The following PNPLA6 variants were observed in gnomAD, a reference collection of about 807,000 sequenced individuals.
The protein encoded by PNPLA6 is patatin like domain 6, lysophospholipase.
In PNPLA6, 105 loss-of-function variants were observed where a neutral mutation model predicts 153.7. The ratio of observed to expected loss-of-function variants is 0.68; its 90% CI spans 0.58 to 0.80. PNPLA6 has a LOEUF of 0.80. Among genes scored for constraint, PNPLA6 ranks in the 30% least tolerant of loss-of-function variants. PNPLA6 has a pLI of 0.00. For synonymous variants in PNPLA6, 825 were observed against 822.2 expected (o/e 1.00, Z -0.06); for missense variants, 1,423 against 1,919.3 (o/e 0.74, Z 4.83).
At chr19:7,536,388 G>C in intron 2 of PNPLA6, 61 bp from the exon 3 acceptor site, 2 of 1,423,176 alleles carry the variant, frequency 1.4e-6, no homozygotes, top group Non-Finnish European at 2.0e-6. Context: ...CCCTGGATCC[G>C]TCTGCCTCTT....
rs763286598 is a variant in PNPLA6 at position 7,543,020 on chromosome 19, T to C, written c.1544T>C (p.Leu515Pro). The C allele has an allele frequency of 8.1e-6, 13 of 1,613,810 alleles. No homozygotes were observed. Among genetic ancestry groups the C allele is most frequent in the Non-Finnish European group, 1.0e-5 (12 of 1,179,980 alleles). Residue 515 changes from leucine to proline, a missense_variant, in exon 13 of 32, where the codon CTG becomes CCG. Leu to Pro is a moderately conservative substitution (Grantham distance 98). Coordinates refer to ENST00000600737, the MANE Select transcript of PNPLA6 (RefSeq NM_001166114.2). Reference sequence around the variant, plus strand: ...CTACCTCCCCAGGACCCCTCCCTCCTGAACAGCAGAGTCTTGCTGCACCAC... The same window carrying C: ...CTACCTCCCCAGGACCCCTCCCTCCCGAACAGCAGAGTCTTGCTGCACCAC... The part of the protein sequence containing the change: ...KLMRIEDPSL[L>P]NSRVLLHHAK...
chr19:7,555,087 G>C lies in PNPLA6; in HGVS notation c.2817+12G>C. 6.3e-7 allele frequency: 1 copy of C among 1,591,734 alleles called. No homozygotes were observed. The highest frequency in any genetic ancestry group is 2.2e-5 in the East Asian group (1 of 44,630). On this transcript the variant is annotated intron_variant, in intron 22 of 31. Transcript: ENST00000600737. The surrounding 1 kb of genome is among the most constrained non-coding windows in gnomAD (Gnocchi z 6.3). Reference sequence around the variant, plus strand: ...GCCCTGCCAAGCTGGTGAGGAGCGGGCCGGCCCCCACCTTCTAGGGGCGTG... The same window carrying C: ...GCCCTGCCAAGCTGGTGAGGAGCGGCCCGGCCCCCACCTTCTAGGGGCGTG...
In PNPLA6 at chr19:7,550,462, C is replaced by T. The variant is rs760515337; in HGVS notation, c.1946+33C>T. 2.2e-5 allele frequency: 36 copies of T among 1,612,128 alleles called. No individual in the cohort carries two copies. In the Middle Eastern group the frequency reaches 6.6e-4, roughly 29 times the overall value. The stretch of plus-strand genomic sequence containing the variant: ...TCCCACCGCGCTGCTCAGGCCCGGC[C>T]TAGGGGTGGGGACCTGGGGGTGGTC... On this transcript the variant is annotated intron_variant, in intron 15 of 31. Coordinates refer to ENST00000600737, the MANE Select transcript of PNPLA6 (RefSeq NM_001166114.2).
intron 28 of PNPLA6, 136 bp from the exon 29 acceptor site, chr19:7,560,512 G>C (rs574662437): frequency 1.4e-6 from 1 of 721,778 alleles, no homozygotes; most frequent in African/African-American, 1.7e-5. Flanking sequence ...ATGTGCAGCT[G>C]ACTCTGAAAT....
intron 13 of PNPLA6, among the ~76,000 whole-genome samples, chr19:7,547,384 T>C (rs1006056766): frequency 6.6e-6 from 1 of 152,194 alleles, no homozygotes; most frequent in Non-Finnish European, 1.5e-5. Flanking sequence ...TAGTATGTCA[T>C]TGTGGTTTTG....
Position 7,551,038 on chromosome 19 carries a change from G to T in PNPLA6, c.2115G>T (p.Ala705=). Residue 705 remains alanine, a synonymous_variant, in exon 17 of 32, where the codon GCG becomes GCT. Coordinates refer to ENST00000600737, the MANE Select transcript of PNPLA6 (RefSeq NM_001166114.2). ...AGCCGCGAGCCACGACGGTGCACGC[G>T]GTGCGCGACACGGAGCTGGCCAAGC... ...TRQPRATTVH[A]VRDTELAKLP... is the part of the protein sequence containing the mutation. 6.5e-7 allele frequency: 1 copy of T among 1,549,480 alleles called. No individual in the cohort carries two copies.
chr19:7,559,809 A>G (rs1165840977), intron 28 of PNPLA6, among the ~76,000 whole-genome samples: 4 of 149,364 alleles, frequency 2.7e-5, no homozygotes, highest in Non-Finnish European at 4.4e-5. Context: ...GCGTCACTGC[A>G]CTCCAGCCTG....
Position 7,561,297 on chromosome 19 carries a change from C to T in PNPLA6, c.4003C>T (p.Pro1335Ser), listed in dbSNP as rs151264767. 67 of 1,606,276 alleles carry T rather than the reference C, an allele frequency of 4.2e-5. No homozygotes were observed. Among genetic ancestry groups the T allele is most frequent in the Admixed American group, 1.7e-5 (1 of 58,752 alleles). Reference protein sequence around the residue: ...DEGGSPEGASPSTASEMEEEK... With the variant: ...DEGGSPEGASSSTASEMEEEK... ...AGGGGGGTCCCCCGAGGGCGCAAGC[C>T]CCAGCACTGCCTCCGAGATGGTGAG... Residue 1335 changes from proline (P) to serine (S), a missense_variant, in exon 31 of 32, where the codon CCC becomes TCC. Transcript: ENST00000600737.
rs941394126 is a variant in PNPLA6, at chr19:7,559,282, CAG to C, written c.3699+133_3699+134del. On this transcript the variant is annotated intron_variant, in intron 28 of 31. Coordinates refer to ENST00000600737, the MANE Select transcript of PNPLA6 (RefSeq NM_001166114.2). ...AATCCCATCTGGAATCTCTGGAAAA[CAG>C]ATCAGTGATCAATTGGTGATGTCTG... The C allele has an allele frequency of 1.0e-5, 8 of 802,124 alleles. No homozygotes were observed. The Admixed American group carries it at 1.6e-4, about 16-fold the overall frequency. The allele number at this position is 802,124 out of a possible 1,614,324, so 49.7% of individuals were successfully genotyped here.
rs2023897933 is a variant in PNPLA6 at position 7,556,802 on chromosome 19, G to A, written c.3280+78G>A. On this transcript the variant is annotated intron_variant, in intron 26 of 31. Transcript: ENST00000600737. The stretch of plus-strand genomic sequence containing the variant: ...GGGATGCTTCCGGGAGGGCCGCTGA[G>A]CTTCTGGGACGTTGTTAACACGAGT... The A allele has an allele frequency of 5.6e-6, 6 of 1,062,790 alleles. No individual in the cohort carries two copies. The Admixed American group carries it at 8.5e-5, about 15-fold the overall frequency. 65.8% of individuals were successfully genotyped at this position (1,062,790 alleles called of 1,614,324 possible). A position where few individuals can be genotyped will look rare whatever the true frequency, so the allele number is the denominator to read the frequency against.
chr19:7,554,255 G>A lies in PNPLA6; in HGVS notation c.2448G>A (p.Gly816=). 1.2e-6 allele frequency: 2 copies of A among 1,614,060 alleles called. No homozygotes were observed. Among genetic ancestry groups the A allele is most frequent in the Non-Finnish European group, 1.7e-6 (2 of 1,179,952 alleles). Reference sequence around the variant, plus strand: ...GTGACATCATCCGGGCACGCCTGGGGGCCTCCGCACTGGATAGGTGTGTGT... The same window carrying A: ...GTGACATCATCCGGGCACGCCTGGGAGCCTCCGCACTGGATAGGTGTGTGT... The part of the protein sequence containing the change: ...LNSDIIRARL[G]ASALDSIQEF... The change falls in exon 20 of 32, where the codon GGG becomes GGA. Residue 816 remains glycine (G), a synonymous_variant. Transcript: ENST00000600737.
chr19:7,535,206 G>A, upstream of PNPLA6: 2 of 526,320 alleles, frequency 3.8e-6, no homozygotes, highest in South Asian at 2.1e-5. The surrounding 1 kb of genome is among the most constrained non-coding windows in gnomAD (Gnocchi z 5.0). Flanking sequence ...GCTGACAGTG[G>A]GTACCAGGTC....
rs745677326 is a variant in PNPLA6 at position 7,541,538 on chromosome 19, G to T, written c.1022G>T (p.Arg341Leu). ...ELFSHEIQPL[R>L]LFPSPGLPTR... ...TGCCCCCAGGAGATCCAGCCCCTGC[G>T]TCTGTTCCCCAGCCCCGGCCTCCCA... Residue 341 changes from arginine (R) to leucine (L), a missense_variant, in exon 9 of 32, where the codon CGT (arginine) becomes CTT (leucine). Coordinates refer to ENST00000600737, the MANE Select transcript of PNPLA6 (RefSeq NM_001166114.2). This position sits in a 1 kb window ranked among gnomAD's most constrained non-coding sequence, Gnocchi z 5.2. 3.7e-6 allele frequency: 6 copies of T among 1,606,726 alleles called. No individual in the cohort carries two copies. The East Asian group carries it at 1.1e-4, about 30-fold the overall frequency.
At chr19:7,545,411 T>C (rs1474988783) in intron 13 of PNPLA6, among the ~76,000 whole-genome samples, 1 of 152,082 alleles carries the variant, frequency 6.6e-6, no homozygotes, top group Non-Finnish European at 1.5e-5. Context: ...CCCTGCAGTG[T>C]TTTGGCAGGT....
In PNPLA6 at chr19:7,541,988, C is replaced by T. The variant is rs775866924; in HGVS notation, c.1173C>T (p.Asp391=). The stretch of plus-strand genomic sequence containing the variant: ...CTGAACATGTGTCTCCCCCAGGGGA[C>T]CCTGTGAAGCCCACATCCCTGGAAA... ...TGAPLPGPTG[D]PVKPTSLETP... is the part of the protein sequence containing the mutation. The change falls in exon 10 of 32, where the codon GAC becomes GAT. Residue 391 remains aspartate, a synonymous_variant. Transcript: ENST00000600737. The surrounding 1 kb of genome is among the most constrained non-coding windows in gnomAD (Gnocchi z 5.2). The T allele has an allele frequency of 6.2e-7, 1 of 1,607,922 alleles. No homozygotes were observed. The highest frequency in any genetic ancestry group is 1.1e-5 in the South Asian group (1 of 91,062).
At chr19:7,547,778 T>C (rs2146078711) in intron 13 of PNPLA6, among the ~76,000 whole-genome samples, 1 of 147,990 alleles carries the variant, frequency 6.8e-6, no homozygotes, top group East Asian at 2.0e-4. Flanking sequence ...GCCAGGACTA[T>C]AGACACATGC....
chr19:7,543,258 CT>C (rs1442096841), intron 13 of PNPLA6, among the ~76,000 whole-genome samples, 174 bp downstream of exon 13: 1 of 152,168 alleles, frequency 6.6e-6, no homozygotes, highest in Non-Finnish European at 1.5e-5. Flanking sequence ...CCCCCACCCC[CT>C]AACCCCACCC....
Position 7,555,426 on chromosome 19 carries a change from T to A in PNPLA6, c.2936+59T>A. 1.5e-6 allele frequency: 2 copies of A among 1,361,054 alleles called. No individual in the cohort carries two copies. The allele number at this position is 1,361,054 out of a possible 1,614,324, so 84.3% of individuals were successfully genotyped here. A position where few individuals can be genotyped will look rare whatever the true frequency, so the allele number is the denominator to read the frequency against. On this transcript the variant is annotated intron_variant, in intron 23 of 31. Transcript: ENST00000600737. This position sits in a 1 kb window ranked among gnomAD's most constrained non-coding sequence, Gnocchi z 6.3. ...CTGGATGTCCGAGGGTGGAGCTTCC[T>A]GGGAGAAACCGTGGGGGCGGGGCCT...
chr19:7,535,685 G>C (rs1197379279), upstream of PNPLA6: 16 of 1,528,506 alleles, frequency 1.0e-5, no homozygotes, highest in African/African-American at 2.7e-5. The surrounding 1 kb of genome is among the most constrained non-coding windows in gnomAD (Gnocchi z 5.0). Context: ...AACGCGCTGC[G>C]TCCGCTCGGG....
Sources: gnomAD v4.1 joint callset for allele counts (sites outside exome capture counted in the v4.1 genomes callset) on GRCh38, gnomAD v4.1.1 for gene constraint, Gnocchi (gnomAD v3.1) non-coding constraint, MANE v1.5 for transcripts, NCBI Gene and HGNC (gene_info 2026-07-23, HGNC 2026-07-21) for gene names.